The following BMP7 variants were observed in gnomAD, a reference collection of about 807,000 sequenced individuals.
BMP7 encodes the protein bone morphogenetic protein 7.
BMP7 carries 12 observed loss-of-function variants against 41.2 expected under a neutral mutation model. The observed-to-expected ratio is 0.29, with a 90% CI of 0.19 to 0.47. The LOEUF (loss-of-function observed/expected upper bound fraction) is 0.47. Among genes scored for constraint, BMP7 ranks in the 20% least tolerant of loss-of-function variants. The probability of loss-of-function intolerance (pLI) is 0.99; values close to 1 mark genes in which losing one functional copy is unlikely to be tolerated. For synonymous variants in BMP7, 248 were observed against 250.0 expected (o/e 0.99, Z 0.07); for missense variants, 467 against 606.0 (o/e 0.77, Z 2.41).
chr20:57,247,064 T>C (rs573170508), intron 1 of BMP7, among the ~76,000 whole-genome samples: 26 of 152,286 alleles, frequency 1.7e-4, no homozygotes, highest in African/African-American at 6.0e-4. Context: ...CTGGGATGAT[T>C]ATTACAATGG....
intron 1 of BMP7, among the ~76,000 whole-genome samples, chr20:57,230,777 C>T (rs1161531796): frequency 6.6e-6 from 1 of 151,454 alleles, no homozygotes. Context: ...CCCAGGCCCA[C>T]ACCATTCTCC....
chr20:57,258,245 C>T (rs1397520099), intron 1 of BMP7, among the ~76,000 whole-genome samples: 4 of 152,186 alleles, frequency 2.6e-5, no homozygotes, highest in Non-Finnish European at 4.4e-5. Flanking sequence ...GAATGAGAAA[C>T]GCCACCCCTC....
At chr20:57,238,272 GC>G (rs2066055214) in intron 1 of BMP7, among the ~76,000 whole-genome samples, 1 of 152,176 alleles carries the variant, frequency 6.6e-6, no homozygotes, top group African/African-American at 2.4e-5. Context: ...TTTCATCCGT[GC>G]TGTAGCCTGT....
chr20:57,252,559 C>T (rs898947669), intron 1 of BMP7, among the ~76,000 whole-genome samples: 1 of 152,218 alleles, frequency 6.6e-6, no homozygotes, highest in Non-Finnish European at 1.5e-5. Context: ...TTAGCATCAT[C>T]GAGCAAAAGG....
In BMP7 at chr20:57,238,278, G is replaced by C. The variant is rs537347275; in HGVS notation, c.419-9857C>G. 3.9e-5 allele frequency among the ~76,000 whole-genome samples: 6 copies of C among 152,312 alleles called. No homozygotes were observed. The South Asian group carries it at 1.2e-3, about 32-fold the overall frequency. Reference sequence around the variant, plus strand: ...GTCTTCAAGTTTCATCCGTGCTGTAGCCTGTCAGAATGTCCTTCCTTTTTA... The same window carrying C: ...GTCTTCAAGTTTCATCCGTGCTGTACCCTGTCAGAATGTCCTTCCTTTTTA... On this transcript the variant is annotated intron_variant, in intron 1 of 6. Coordinates refer to ENST00000395863, the MANE Select transcript of BMP7 (RefSeq NM_001719.3).
At chr20:57,239,842 T>C (rs115059997) in intron 1 of BMP7, among the ~76,000 whole-genome samples, 11,710 of 152,224 alleles carry the variant, frequency 0.077, 1,495 homozygotes, top group African/African-American at 0.27. Context: ...CTTTCAGCCA[T>C]GGCTTGAGTG....
At chr20:57,186,139 G>A (rs1380542971) in intron 3 of BMP7, among the ~76,000 whole-genome samples, 1 of 152,188 alleles carries the variant, frequency 6.6e-6, no homozygotes, top group South Asian at 2.1e-4. Context: ...AAAGCCAGAA[G>A]ACTGGATGAG....
At chr20:57,231,705 T>G (rs781238028) in intron 1 of BMP7, among the ~76,000 whole-genome samples, 6 of 152,182 alleles carry the variant, frequency 3.9e-5, no homozygotes, top group African/African-American at 2.4e-5. Context: ...AGAGGGTTGC[T>G]CCCACAATCA....
At chr20:57,173,407 G>T in intron 5 of BMP7, 97 bp from the exon 6 acceptor site, 2 of 1,193,076 alleles carry the variant, frequency 1.7e-6, no homozygotes, top group South Asian at 1.3e-5. Context: ...CCAGGCTCAC[G>T]ACCCAAGGTG....
At position 57,174,021 on chromosome 20, in the gene BMP7, G is replaced by A. The variant is rs1983868074; in HGVS notation, c.1036-711C>T. ...ATGGAATCTTCCAGCAGAGGCCCCT[G>A]GAGTTTGGGTTCTGTCCCAGCTGCA... On this transcript the variant is annotated intron_variant, in intron 5 of 6. Transcript: ENST00000395863. The surrounding 1 kb of genome is among the most constrained non-coding windows in gnomAD (Gnocchi z 4.3). Among the ~76,000 whole-genome samples the A allele has an allele frequency of 6.6e-6, 1 of 152,162 alleles. No individual in the cohort carries two copies. Among genetic ancestry groups the A allele is most frequent in the Non-Finnish European group, 1.5e-5 (1 of 68,032 alleles).
Position 57,228,318 on chromosome 20 carries a change from G to A in BMP7, c.522C>T (p.Phe174=), listed in dbSNP as rs1190270833. ...CCCGGATGTAGTCCTTGTAGATCCG[G>A]AATTCGGCTGCCGTGACAGCTTCCC... ...PEGEAVTAAE[F]RIYKDYIRER... Residue 174 remains phenylalanine, a synonymous_variant, in exon 2 of 7, where the codon TTC becomes TTT. Coordinates refer to ENST00000395863, the MANE Select transcript of BMP7 (RefSeq NM_001719.3). This position sits in a 1 kb window ranked among gnomAD's most constrained non-coding sequence, Gnocchi z 4.5. 33 of 1,614,012 alleles carry A rather than the reference G, an allele frequency of 2.0e-5. No homozygotes were observed. The highest frequency in any genetic ancestry group is 2.7e-5 in the Non-Finnish European group (32 of 1,180,042).
rs1387866383 is a variant in BMP7, at chr20:57,171,706, T to A, written c.1147-598A>T. On this transcript the variant is annotated intron_variant, in intron 6 of 6. Coordinates refer to ENST00000395863, the MANE Select transcript of BMP7 (RefSeq NM_001719.3). This position sits in a 1 kb window ranked among gnomAD's most constrained non-coding sequence, Gnocchi z 4.5. ...TCAAGACAGGCCAGAGATTCCACTG[T>A]CCTGTTGTTTTCAACGTGAAACTTC... Among the ~76,000 whole-genome samples, 1 of 152,172 alleles carries A rather than the reference T, an allele frequency of 6.6e-6. No individual in the cohort carries two copies. Among genetic ancestry groups the A allele is most frequent in the Non-Finnish European group, 1.5e-5 (1 of 68,014 alleles).
At chr20:57,245,884 C>T (rs1315642212) in intron 1 of BMP7, among the ~76,000 whole-genome samples, 5 of 150,542 alleles carry the variant, frequency 3.3e-5, no homozygotes, top group South Asian at 2.1e-4. Flanking sequence ...ATGATCTGCC[C>T]GCCTCAGCCT....
chr20:57,251,276 G>T (rs566024064), intron 1 of BMP7, among the ~76,000 whole-genome samples: 1 of 152,342 alleles, frequency 6.6e-6, no homozygotes, highest in East Asian at 1.9e-4. Context: ...AGGAGACCCA[G>T]GGTTTAACAA....
intron 3 of BMP7, among the ~76,000 whole-genome samples, chr20:57,197,203 ATT>A (rs879738123): frequency 6.9e-6 from 1 of 145,140 alleles, no homozygotes. Context: ...CCCGGCCCTA[ATT>A]TTTTTTTTTT....
intron 2 of BMP7, among the ~76,000 whole-genome samples, chr20:57,219,188 T>C (rs1323130320): frequency 1.4e-5 from 2 of 142,506 alleles, no homozygotes; most frequent in Non-Finnish European, 2.9e-5. Flanking sequence ...TGGTGTTTGT[T>C]CAGTGGTAGC....
In BMP7 at chr20:57,175,026, G is replaced by C. The variant is rs1402296323; in HGVS notation, c.959-19C>G. ...CTGTTCTCTGCATTGACAAGGAAGT[G>C]AAGAAGCAGAGCCCAGTGAGGAGAA... On this transcript the variant is annotated intron_variant, in intron 4 of 6. Transcript: ENST00000395863. 1 of 1,606,072 alleles carries C rather than the reference G, an allele frequency of 6.2e-7. No homozygotes were observed. Among genetic ancestry groups the C allele is most frequent in the African/African-American group, 1.3e-5 (1 of 74,812 alleles).
intron 1 of BMP7, among the ~76,000 whole-genome samples, chr20:57,231,805 G>A (rs2066030388): frequency 6.6e-6 from 1 of 152,252 alleles, no homozygotes; most frequent in African/African-American, 2.4e-5. Context: ...CCCAGCTTCA[G>A]AGCAGCCCCA....
At position 57,169,817 on chromosome 20, in the gene BMP7, G is replaced by A. The variant is rs1983774115; in HGVS notation, c.*1142C>T. The A allele has an allele frequency of 6.6e-6, 1 of 152,090 alleles. No individual in the cohort carries two copies. The highest frequency in any genetic ancestry group is 1.5e-5 in the Non-Finnish European group (1 of 68,054). 9.4% of individuals were successfully genotyped at this position (152,090 alleles called of 1,614,324 possible). On this transcript the variant is annotated 3_prime_UTR_variant, in exon 7 of 7. Coordinates refer to ENST00000395863, the MANE Select transcript of BMP7 (RefSeq NM_001719.3). ...TGTCACCCAAGCTGGAGTGCAGTGG[G>A]ACGATCTTGGCTCACTGCAACCTCC... is the stretch of plus-strand genomic sequence containing the variant.
Sources: allele counts gnomAD v4.1 joint callset (sites outside exome capture counted in the v4.1 genomes callset), GRCh38; gene constraint gnomAD v4.1.1; non-coding constraint Gnocchi (gnomAD v3.1); transcripts MANE v1.5; gene names NCBI Gene and HGNC (gene_info 2026-07-23, HGNC 2026-07-21).